Variants in RGS5 observed in about 807,000 individuals in gnomAD.
RGS5 encodes regulator of G-protein signalling 5.
A neutral mutation model predicts 18.9 loss-of-function variants in RGS5; 20 were observed. The observed-to-expected ratio is 1.06, with a 90% CI of 0.74 to 1.54. RGS5 has a LOEUF of 1.54. Ranked by LOEUF, RGS5 falls within the 40% of genes most tolerant of loss-of-function variation. The pLI is 0.00. For missense variants in RGS5, 201 were observed against 211.8 expected (o/e 0.95, Z 0.32); for synonymous variants, 57 against 76.2 (o/e 0.75, Z 1.31).
intron 2 of RGS5, among the ~76,000 whole-genome samples, chr1:163,261,251 C>G (rs1410681170): frequency 1.3e-5 from 2 of 152,102 alleles, no homozygotes; most frequent in Admixed American, 6.5e-5. Context: ...TCCATCCACA[C>G]CAGTCATCAC....
rs781757956 is a variant in RGS5 at position 163,145,069 on chromosome 1, A to C, written c.*2273T>G. The C allele has an allele frequency of 4.6e-5, 7 of 152,268 alleles. No homozygotes were observed. Among genetic ancestry groups the C allele is most frequent in the Non-Finnish European group, 1.0e-4 (7 of 68,006 alleles). 9.4% of individuals were successfully genotyped at this position (152,268 alleles called of 1,614,324 possible). ...TCCATTCTTTTTATATCTCCACAGA[A>C]CTGCTCTCATGGGACCCTGTCCTGC... On this transcript the variant is annotated 3_prime_UTR_variant, in exon 5 of 5. Coordinates refer to ENST00000313961, the MANE Select transcript of RGS5 (RefSeq NM_003617.4).
intron 2 of RGS5, among the ~76,000 whole-genome samples, chr1:163,250,350 C>T (rs1441729340): frequency 6.6e-6 from 1 of 152,182 alleles, no homozygotes; most frequent in Non-Finnish European, 1.5e-5. Context: ...AGGGCAGTTG[C>T]CTTTAACCAT....
intron 1 of RGS5, among the ~76,000 whole-genome samples, chr1:163,176,345 G>T (rs1658555954): frequency 6.6e-6 from 1 of 152,124 alleles, no homozygotes. Context: ...GTGCAGGCCG[G>T]GTGCAGTGGC....
chr1:163,219,890 T>A (rs567656021), upstream of RGS5, among the ~76,000 whole-genome samples: 6 of 152,314 alleles, frequency 3.9e-5, no homozygotes, highest in South Asian at 8.3e-4. Flanking sequence ...TGAATGTGTC[T>A]TTTGGTGAAC....
chr1:163,280,300 G>GATA (rs1648959130), intron 2 of RGS5, among the ~76,000 whole-genome samples: 1 of 151,968 alleles, frequency 6.6e-6, no homozygotes, highest in Non-Finnish European at 1.5e-5. Flanking sequence ...ACATCAAAAA[G>GATA]ATAATACATC....
Position 163,254,123 on chromosome 1 carries a change from GTCTTTATAGCAGCA to G in RGS5, c.-281+52096_-281+52109del, listed in dbSNP as rs1648200520. Among the ~76,000 whole-genome samples, 13 of 150,960 alleles carry G rather than the reference GTCTTTATAGCAGCA, an allele frequency of 8.6e-5. No homozygotes were observed. In the South Asian group the frequency reaches 2.5e-3, roughly 30 times the overall value. On this transcript the variant is annotated intron_variant, in intron 2 of 5. Coordinates refer to the RGS5 transcript ENST00000618415. ...CCACAATAAACATATGTGTGCATGT[GTCTTTATAGCAGCA>G]TGATTTATAGTCCTTTGGGTATATA... is the stretch of plus-strand genomic sequence containing the variant.
intron 2 of RGS5, among the ~76,000 whole-genome samples, chr1:163,271,698 G>A (rs1648723991): frequency 1.3e-5 from 2 of 152,132 alleles, no homozygotes; most frequent in Admixed American, 6.6e-5. Context: ...CCAGTTGATG[G>A]ACATTTGGAT....
At chr1:163,166,855 A>AT (rs1177681343) in intron 2 of RGS5, among the ~76,000 whole-genome samples, 2 of 152,194 alleles carry the variant, frequency 1.3e-5, no homozygotes, top group African/African-American at 2.4e-5. Context: ...GTAGAACTCT[A>AT]TTTTTTTAAA....
At chr1:163,267,485 T>A (rs1442953992) in intron 2 of RGS5, 1 of 152,172 alleles carries the variant, frequency 6.6e-6, no homozygotes. Flanking sequence ...TATTTTTCCA[T>A]CCTATGCAAC....
intron 3 of RGS5, among the ~76,000 whole-genome samples, chr1:163,156,293 T>G (rs1041994379): frequency 6.6e-5 from 10 of 152,146 alleles, no homozygotes; most frequent in African/African-American, 2.4e-4. Context: ...AATAAATAAT[T>G]CATATAAAAT....
rs1324992600 is a variant in RGS5 at position 163,251,540 on chromosome 1, C to T, written c.-281+54693G>A. ...AGGGTTTGGTCCTTGGACTTCTCAT[C>T]TTTTCTATCGTTTCTATCTTCACTT... On this transcript the variant is annotated intron_variant, in intron 2 of 5. Transcript: ENST00000618415. 5.9e-5 allele frequency among the ~76,000 whole-genome samples: 9 copies of T among 152,230 alleles called. No homozygotes were observed. The East Asian group carries it at 1.2e-3, about 20-fold the overall frequency.
At chr1:163,306,374 C>CA (rs1342332887) in intron 1 of RGS5, 1 of 152,170 alleles carries the variant, frequency 6.6e-6, no homozygotes, top group Non-Finnish European at 1.5e-5. Context: ...ATGTTGCACT[C>CA]AAAGAGCATT....
chr1:163,162,976 G>T (rs1657869541), intron 2 of RGS5: 1 of 147,258 alleles, frequency 6.8e-6, no homozygotes, highest in Admixed American at 6.8e-5. Context: ...CTCTTAATTT[G>T]TTTATCAACT....
rs183924410 is a variant in RGS5, at chr1:163,226,601, G to T, written c.-280-58233C>A. ...TTGAGATGCACCGCCACCCTAATAAGTATGCTTAATATATTAGACAAAGAA... is the reference window on the plus strand; with the variant it reads ...TTGAGATGCACCGCCACCCTAATAATTATGCTTAATATATTAGACAAAGAA... On this transcript the variant is annotated intron_variant, in intron 2 of 5. Transcript: ENST00000618415. Among the ~76,000 whole-genome samples, 283 of 152,288 alleles carry T rather than the reference G, an allele frequency of 1.9e-3. 1 individual carries two copies. The highest frequency in any genetic ancestry group is 6.8e-3 in the Middle Eastern group (2 of 294).
intron 1 of RGS5, among the ~76,000 whole-genome samples, chr1:163,185,504 G>A (rs1042322254): frequency 1.3e-5 from 2 of 151,980 alleles, no homozygotes; most frequent in African/African-American, 4.8e-5. Context: ...AACCCCCCAG[G>A]CTCAACTTGG....
chr1:163,261,459 G>T (rs1009362), intron 2 of RGS5, among the ~76,000 whole-genome samples: 1 of 151,876 alleles, frequency 6.6e-6, no homozygotes, highest in Non-Finnish European at 1.5e-5. Context: ...CTCTTGAGAC[G>T]ACCACAGACC....
chr1:163,206,265 G>A (rs764681966), upstream of RGS5, among the ~76,000 whole-genome samples: 1 of 151,502 alleles, frequency 6.6e-6, no homozygotes, highest in Non-Finnish European at 1.5e-5. Flanking sequence ...CCAGGGCTGT[G>A]AGAAATCAAT....
At chr1:163,158,574 C>G (rs1443098606) in intron 3 of RGS5, among the ~76,000 whole-genome samples, 1 of 152,050 alleles carries the variant, frequency 6.6e-6, no homozygotes, top group Non-Finnish European at 1.5e-5. Context: ...TGCCCCTGAG[C>G]TGTAAAACCA....
chr1:163,308,465 A>G (rs1445829677), intron 1 of RGS5: 1 of 152,232 alleles, frequency 6.6e-6, no homozygotes, highest in Non-Finnish European at 1.5e-5. Flanking sequence ...AGAAAAAGAG[A>G]TAACACAAAA....
Sources: allele counts gnomAD v4.1 joint callset (sites outside exome capture counted in the v4.1 genomes callset), GRCh38; gene constraint gnomAD v4.1.1; transcripts MANE v1.5; gene names NCBI Gene and HGNC (gene_info 2026-07-23, HGNC 2026-07-21).